WDR70: variants seen among roughly 807,000 people sequenced by gnomAD.
WDR70 encodes the protein WD repeat domain 70, also known as WD repeat-containing protein 70.
WDR70 carries 53 observed loss-of-function variants against 88.6 expected under a neutral mutation model. The ratio of observed to expected loss-of-function variants is 0.60; its 90% CI spans 0.48 to 0.75. WDR70 has a LOEUF of 0.75. Ranked by LOEUF, WDR70 falls within the 30% of genes least tolerant of loss-of-function variation. The pLI is 0.00. For synonymous variants in WDR70, 280 were observed against 270.0 expected, an observed-to-expected ratio of 1.04 and a Z score of -0.36; for missense variants, 610 against 823.2, an observed-to-expected ratio of 0.74 and a Z score of 3.17.
At chr5:37,388,114 T>C (rs1176396149) in intron 3 of WDR70, among the ~76,000 whole-genome samples, 1 of 152,020 alleles carries the variant, frequency 6.6e-6, no homozygotes, top group Non-Finnish European at 1.5e-5. Flanking sequence ...ACATATGAAA[T>C]ACAAATTTTT....
chr5:37,549,003 A>G (rs55971490), intron 9 of WDR70, among the ~76,000 whole-genome samples: 78,154 of 151,936 alleles, frequency 0.51, 21,609 homozygotes, highest in Non-Finnish European at 0.61. Flanking sequence ...CGGTCTGTGT[A>G]TCTGTTTTTA....
At chr5:37,674,935 T>A (rs1282553170) in intron 10 of WDR70, among the ~76,000 whole-genome samples, 1 of 151,664 alleles carries the variant, frequency 6.6e-6, no homozygotes, top group African/African-American at 2.4e-5. Context: ...CTAACTGGTG[T>A]GAGATGGTAT....
At chr5:37,683,502 G>T (rs1325358775) in intron 10 of WDR70, among the ~76,000 whole-genome samples, 2 of 152,112 alleles carry the variant, frequency 1.3e-5, no homozygotes, top group Non-Finnish European at 2.9e-5. Context: ...TCCATATTTA[G>T]TACTTCTTCA....
At chr5:37,585,629 A>G (rs2112435166) in intron 9 of WDR70, among the ~76,000 whole-genome samples, 1 of 152,190 alleles carries the variant, frequency 6.6e-6, no homozygotes, top group South Asian at 2.1e-4. Flanking sequence ...CCAATTCTCC[A>G]TTTATGTGAA....
chr5:37,730,038 C>CT (rs1202886594), intron 17 of WDR70, among the ~76,000 whole-genome samples: 2 of 152,076 alleles, frequency 1.3e-5, no homozygotes, highest in South Asian at 2.1e-4. Context: ...TGTAAATCAT[C>CT]TTTTTTTCTT....
chr5:37,690,616 A>G (rs760150181), intron 10 of WDR70, among the ~76,000 whole-genome samples: 3 of 152,240 alleles, frequency 2.0e-5, no homozygotes, highest in Non-Finnish European at 2.9e-5. Flanking sequence ...ACTAAGCTTC[A>G]TAAGCGGAGG....
chr5:37,599,789 G>A (rs1202286883), intron 9 of WDR70, among the ~76,000 whole-genome samples: 1 of 151,794 alleles, frequency 6.6e-6, no homozygotes, highest in African/African-American at 2.4e-5. Context: ...GCTACTCAAG[G>A]GGCTGACACA....
chr5:37,740,392 C>G (rs1430523974), intron 17 of WDR70, among the ~76,000 whole-genome samples: 1 of 152,176 alleles, frequency 6.6e-6, no homozygotes, highest in East Asian at 1.9e-4. Context: ...ATGTTTAAAG[C>G]TATGATTCTC....
At chr5:37,726,186 G>A (rs536446632) in intron 16 of WDR70, among the ~76,000 whole-genome samples, 30 of 152,186 alleles carry the variant, frequency 2.0e-4, no homozygotes, top group African/African-American at 7.0e-4. Flanking sequence ...ATAGTTACTG[G>A]CCATACAAAT....
intron 9 of WDR70, among the ~76,000 whole-genome samples, chr5:37,587,204 G>C (rs1470732592): frequency 6.6e-6 from 1 of 152,034 alleles, no homozygotes; most frequent in African/African-American, 2.4e-5. Flanking sequence ...TGGCTTCACA[G>C]TCTCCTAGAG....
At chr5:37,487,627 A>AT (rs70978825) in intron 8 of WDR70, among the ~76,000 whole-genome samples, 2,050 of 69,022 alleles carry the variant, frequency 0.03, 81 homozygotes, top group African/African-American at 0.096. Context: ...ATATATATGT[A>AT]TTTTTTTTTT....
At chr5:37,471,901 C>T (rs1418917599) in intron 7 of WDR70, among the ~76,000 whole-genome samples, 1 of 151,864 alleles carries the variant, frequency 6.6e-6, no homozygotes, top group Admixed American at 6.6e-5. Context: ...TTTTTCTTGT[C>T]ATATTGCATG....
chr5:37,666,763 C>T (rs549665127), intron 10 of WDR70, among the ~76,000 whole-genome samples: 5 of 152,234 alleles, frequency 3.3e-5, no homozygotes, highest in South Asian at 2.1e-4. Flanking sequence ...GTATAGTGGT[C>T]GTTAAGTGTG....
chr5:37,408,428 T>G (rs1749422227), intron 5 of WDR70, among the ~76,000 whole-genome samples: 1 of 152,002 alleles, frequency 6.6e-6, no homozygotes, highest in African/African-American at 2.4e-5. Context: ...GAGCCGATAT[T>G]GCACCACTGC....
At chr5:37,405,245 A>T (rs1359078308) in intron 5 of WDR70, among the ~76,000 whole-genome samples, 1 of 152,202 alleles carries the variant, frequency 6.6e-6, no homozygotes. Context: ...CTGAATAGAC[A>T]GTATGATTTC....
intron 8 of WDR70, among the ~76,000 whole-genome samples, chr5:37,500,222 A>T (rs1232569612): frequency 6.6e-6 from 1 of 152,232 alleles, no homozygotes; most frequent in Non-Finnish European, 1.5e-5. Flanking sequence ...CCTCACTTAG[A>T]ATAATGGTCT....
intron 10 of WDR70, among the ~76,000 whole-genome samples, chr5:37,628,308 C>T (rs1002633697): frequency 1.3e-5 from 2 of 152,134 alleles, no homozygotes; most frequent in African/African-American, 4.8e-5. Context: ...AAATTCCCTA[C>T]TACATATTGA....
intron 5 of WDR70, among the ~76,000 whole-genome samples, chr5:37,414,292 A>T (rs1581259442): frequency 6.6e-6 from 1 of 151,462 alleles, no homozygotes; most frequent in South Asian, 2.1e-4. Flanking sequence ...TGGCTTGCTC[A>T]CTCCTCTCTA....
intron 13 of WDR70, 94 bp from the exon 14 acceptor site, chr5:37,721,021 A>G (rs1747795048): frequency 9.9e-7 from 1 of 1,013,932 alleles, no homozygotes; most frequent in African/African-American, 1.6e-5. Context: ...TCAGGATGAT[A>G]TTTGATATAG....
Sources: allele counts gnomAD v4.1 joint callset (sites outside exome capture counted in the v4.1 genomes callset), GRCh38; gene constraint gnomAD v4.1.1; transcripts MANE v1.5; gene names NCBI Gene and HGNC (gene_info 2026-07-23, HGNC 2026-07-21).